SLC10A7: variants seen among roughly 807,000 people sequenced by gnomAD.
SLC10A7 encodes the protein sodium/bile acid cotransporter 7.
Under a neutral mutation model 43.2 loss-of-function variants are expected in SLC10A7, and 29 were observed. The ratio of observed to expected loss-of-function variants is 0.67; its 90% CI spans 0.50 to 0.92. The LOEUF is 0.92. SLC10A7 is among the 40% of genes least tolerant of loss of function. The probability of loss-of-function intolerance (pLI) is 0.00; values close to 1 mark genes in which losing one functional copy is unlikely to be tolerated. For missense variants in SLC10A7, 295 were observed against 403.2 expected (o/e 0.73, Z 2.30); for synonymous variants, 152 against 144.8 (o/e 1.05, Z -0.35).
rs370962117 is a variant in SLC10A7 at position 146,356,375 on chromosome 4, A to G, written c.436-30379T>C. The stretch of plus-strand genomic sequence containing the variant: ...GTTCCAAAAGGTAAATAACTTGTCC[A>G]AGGGTCATATGACTACTGAGAGATC... On this transcript the variant is annotated intron_variant, in intron 5 of 11. Coordinates refer to ENST00000335472, the MANE Select transcript of SLC10A7 (RefSeq NM_001029998.6). Among the ~76,000 whole-genome samples the G allele has an allele frequency of 1.1e-3, 167 of 152,304 alleles. 1 individual carries two copies. In the South Asian group the frequency reaches 0.033, roughly 30 times the overall value.
intron 4 of SLC10A7, among the ~76,000 whole-genome samples, chr4:146,470,355 T>C (rs905928124): frequency 1.1e-4 from 16 of 151,492 alleles, no homozygotes; most frequent in Non-Finnish European, 2.1e-4. Flanking sequence ...ATATATTATA[T>C]ATACATATAA....
At chr4:146,314,629 T>G (rs1039622974) in intron 6 of SLC10A7, among the ~76,000 whole-genome samples, 3 of 152,144 alleles carry the variant, frequency 2.0e-5, no homozygotes, top group Non-Finnish European at 2.9e-5. Flanking sequence ...CCCAAGGTAA[T>G]GATGTGACCA....
chr4:146,272,914 CA>C (rs1386133627), intron 10 of SLC10A7, among the ~76,000 whole-genome samples: 1 of 152,090 alleles, frequency 6.6e-6, no homozygotes, highest in Non-Finnish European at 1.5e-5. Context: ...CTGGATGTGG[CA>C]AAGTCTTCAT....
intron 7 of SLC10A7, among the ~76,000 whole-genome samples, chr4:146,303,464 G>A (rs540097716): frequency 2.7e-5 from 4 of 147,648 alleles, no homozygotes; most frequent in East Asian, 2.0e-4. Flanking sequence ...TGCAACCTCC[G>A]CCTCCCAGGT....
At chr4:146,433,393 C>T (rs1173372216) in intron 5 of SLC10A7, among the ~76,000 whole-genome samples, 1 of 151,810 alleles carries the variant, frequency 6.6e-6, no homozygotes, top group African/African-American at 2.4e-5. Flanking sequence ...AAGATATGAA[C>T]AGATAATTTA....
chr4:146,336,907 T>C (rs373495554), intron 5 of SLC10A7, among the ~76,000 whole-genome samples: 4 of 152,200 alleles, frequency 2.6e-5, no homozygotes, highest in Non-Finnish European at 5.9e-5. Flanking sequence ...ATGTTAAAGA[T>C]GAAAAACAGC....
chr4:146,447,279 T>A (rs1014574527), intron 4 of SLC10A7, among the ~76,000 whole-genome samples: 3 of 152,168 alleles, frequency 2.0e-5, no homozygotes, highest in Non-Finnish European at 2.9e-5. Context: ...CTAGAATTTT[T>A]TAATTTTTTT....
At chr4:146,453,715 T>C (rs192919169) in intron 4 of SLC10A7, among the ~76,000 whole-genome samples, 433 of 152,038 alleles carry the variant, frequency 2.8e-3, no homozygotes, top group Non-Finnish European at 4.0e-3. Context: ...TTAAAACGCA[T>C]ACAAAAAATT....
chr4:146,357,942 A>G (rs1023764423), intron 5 of SLC10A7, among the ~76,000 whole-genome samples: 1 of 152,126 alleles, frequency 6.6e-6, no homozygotes, highest in Non-Finnish European at 1.5e-5. Flanking sequence ...CAGAACTCCC[A>G]TTAGAGAGGA....
chr4:146,396,173 C>T (rs1431068081), intron 5 of SLC10A7, among the ~76,000 whole-genome samples: 1 of 152,112 alleles, frequency 6.6e-6, no homozygotes, highest in Non-Finnish European at 1.5e-5. Context: ...TGTTCCCTAA[C>T]TGAATCACCC....
chr4:146,486,632 G>A (rs1734944285), intron 4 of SLC10A7, among the ~76,000 whole-genome samples: 1 of 152,162 alleles, frequency 6.6e-6, no homozygotes, highest in Non-Finnish European at 1.5e-5. Context: ...TCCTGGGTGG[G>A]ATTGGCTTCC....
intron 4 of SLC10A7, among the ~76,000 whole-genome samples, chr4:146,443,069 C>T (rs1343641078): frequency 6.6e-6 from 1 of 152,108 alleles, no homozygotes; most frequent in African/African-American, 2.4e-5. Flanking sequence ...ATGCCTTGAA[C>T]CTATATGACA....
At chr4:146,442,848 A>C in intron 4 of SLC10A7, 27 bp from the exon 5 acceptor site, 1 of 1,431,554 alleles carries the variant, frequency 7.0e-7, no homozygotes, top group Non-Finnish European at 9.6e-7. Flanking sequence ...TAGGGGAAAA[A>C]AACTCATTGA....
intron 7 of SLC10A7, among the ~76,000 whole-genome samples, chr4:146,298,827 T>G (rs1264699827): frequency 6.6e-6 from 1 of 152,150 alleles, no homozygotes. Context: ...CGTAACACCT[T>G]CAGGGTAGAA....
At chr4:146,399,359 G>A (rs912910684) in intron 5 of SLC10A7, among the ~76,000 whole-genome samples, 5 of 151,774 alleles carry the variant, frequency 3.3e-5, no homozygotes, top group Non-Finnish European at 2.9e-5. Context: ...AAGGGCAATA[G>A]GAAGTTAAGA....
In SLC10A7 at chr4:146,419,830, C is replaced by T. The variant is rs138043719; in HGVS notation, c.435+22953G>A. Among the ~76,000 whole-genome samples, 204 of 151,512 alleles carry T rather than the reference C, an allele frequency of 1.3e-3. 2 individuals carry two copies. Among genetic ancestry groups the T allele is most frequent in the African/African-American group, 4.8e-3 (197 of 41,318 alleles). On this transcript the variant is annotated intron_variant, in intron 5 of 11. Transcript: ENST00000335472. The stretch of plus-strand genomic sequence containing the variant: ...TAGCCTGGGTAACAGAGCAAGACTC[C>T]GTCTAAAAAAAAAAAGAAATCACAA...
At chr4:146,261,886 G>C (rs558661868) in intron 10 of SLC10A7, among the ~76,000 whole-genome samples, 1 of 152,136 alleles carries the variant, frequency 6.6e-6, no homozygotes, top group African/African-American at 2.4e-5. Flanking sequence ...CACTCGCCAG[G>C]GGGAGGCCCA....
chr4:146,337,830 A>G (rs1430166962), intron 5 of SLC10A7, among the ~76,000 whole-genome samples: 1 of 151,898 alleles, frequency 6.6e-6, no homozygotes, highest in Non-Finnish European at 1.5e-5. Context: ...GCAAAGGAGG[A>G]AGCAGAAAAT....
intron 5 of SLC10A7, among the ~76,000 whole-genome samples, chr4:146,432,529 C>G (rs975705471): frequency 6.6e-6 from 1 of 151,990 alleles, no homozygotes; most frequent in African/African-American, 2.4e-5. Context: ...ATTTAGATGA[C>G]TTTCTAGAAA....
Sources: gnomAD v4.1 joint callset for allele counts (sites outside exome capture counted in the v4.1 genomes callset) on GRCh38, gnomAD v4.1.1 for gene constraint, MANE v1.5 for transcripts, NCBI Gene and HGNC (gene_info 2026-07-23, HGNC 2026-07-21) for gene names.